PLEC: variants seen among roughly 807,000 people sequenced by gnomAD.
PLEC encodes the protein hemidesmosomal protein 1.
Under a neutral mutation model 392.8 loss-of-function variants are expected in PLEC, and 216 were observed. That is an observed-to-expected ratio of 0.55 (90% confidence interval 0.49 to 0.62). The LOEUF (loss-of-function observed/expected upper bound fraction) is 0.62. Ranked by LOEUF, PLEC falls within the 20% of genes least tolerant of loss-of-function variation. The pLI is 0.00. For missense variants in PLEC, 6,863 were observed against 6,563.4 expected, an observed-to-expected ratio of 1.05 and a Z score of -1.58; for synonymous variants, 3,621 against 2,980.6, an observed-to-expected ratio of 1.21 and a Z score of -7.00.
chr8:143,953,666 C>T, upstream of PLEC: 1 of 1,554,796 alleles, frequency 6.4e-7, no homozygotes. Flanking sequence ...GGACTGCACC[C>T]AGCCAGAGGT....
At chr8:143,940,504 A>T (rs1453318233), upstream of PLEC, among the ~76,000 whole-genome samples, 1 of 152,014 alleles carries the variant, frequency 6.6e-6, no homozygotes, top group African/African-American at 2.4e-5. Context: ...CTCATGCTGT[A>T]AAGGGCAAAG....
Position 143,934,356 on chromosome 8 carries a change from G to A in PLEC, c.1131C>T (p.Ile377=), listed in dbSNP as rs1828353698. ...TGCGGAGCTGCTTCTCCCGCTCCAG[G>A]ATGGCCACGTGCAGCTTGCCCCACT... is the stretch of plus-strand genomic sequence containing the variant. ...EKEWGKLHVA[I]LEREKQLRSE... The change falls in exon 11 of 32, where the codon ATC becomes ATT. Residue 377 remains isoleucine (I), a synonymous_variant. Coordinates refer to ENST00000345136, the MANE Select transcript of PLEC (RefSeq NM_201384.3). 1 of 1,612,560 alleles carries A rather than the reference G, an allele frequency of 6.2e-7. No individual in the cohort carries two copies. Among genetic ancestry groups the A allele is most frequent in the East Asian group, 2.2e-5 (1 of 44,872 alleles).
At chr8:143,958,840 A>G, upstream of PLEC, 1 of 266,646 alleles carries the variant, frequency 3.8e-6, no homozygotes, top group Non-Finnish European at 8.0e-6. This position sits in a 1 kb window ranked among gnomAD's most constrained non-coding sequence, Gnocchi z 4.9. Context: ...ACCCAGCACC[A>G]GACACGAAGG....
upstream of PLEC, chr8:143,975,437 C>G (rs1833629003): frequency 7.1e-7 from 1 of 1,409,002 alleles, no homozygotes; most frequent in Non-Finnish European, 9.9e-7. The surrounding 1 kb of genome is among the most constrained non-coding windows in gnomAD (Gnocchi z 9.9). Context: ...TGCACGCCGA[C>G]CCACCCACCA....
upstream of PLEC, among the ~76,000 whole-genome samples, chr8:143,951,266 C>T (rs551576105): frequency 3.3e-5 from 5 of 152,028 alleles, no homozygotes; most frequent in East Asian, 3.9e-4. Flanking sequence ...TCTGGTGTCC[C>T]GGCTTCACAA....
In PLEC at chr8:143,916,122, G is replaced by A. The variant is rs537472680; in HGVS notation, c.*55C>T. ...TTTAAGCGTTGAAAACGGCCCCCGCGCCTCGGTGGGAGCCGGGCTGGGCCG... is the reference window on the plus strand; with the variant it reads ...TTTAAGCGTTGAAAACGGCCCCCGCACCTCGGTGGGAGCCGGGCTGGGCCG... On this transcript the variant is annotated 3_prime_UTR_variant, in exon 32 of 32. Transcript: ENST00000345136. The A allele has an allele frequency of 4.3e-5, 60 of 1,380,900 alleles. No individual in the cohort carries two copies. In the East Asian group the frequency reaches 1.3e-3, roughly 29 times the overall value. 85.5% of individuals were successfully genotyped at this position (1,380,900 alleles called of 1,614,324 possible).
chr8:143,922,964 G>A lies in PLEC; in HGVS notation c.6965C>T (p.Ala2322Val). 2 of 1,610,580 alleles carry A rather than the reference G, an allele frequency of 1.2e-6. No homozygotes were observed. The highest frequency in any genetic ancestry group is 1.7e-6 in the Non-Finnish European group (2 of 1,178,956). The change falls in exon 31 of 32, where the codon GCC (alanine) becomes GTC (valine). Residue 2322 changes from alanine to valine, a missense_variant. By Grantham distance (64) the Ala-to-Val change is moderately conservative (BLOSUM62 0). Transcript: ENST00000345136. Reference sequence around the variant, plus strand: ...TTCCGCCTCAGCCTTGAGTCGCGTGGCCTCCTGCACCGCCTGCATCTTCTC... The same window carrying A: ...TTCCGCCTCAGCCTTGAGTCGCGTGACCTCCTGCACCGCCTGCATCTTCTC... ...LKEKMQAVQE[A>V]TRLKAEAELL...
At position 143,935,292 on chromosome 8, in the gene PLEC, G is replaced by T; in HGVS notation, c.624C>A (p.Asn208Lys). ...HRHKPLLIDM[N>K]KVYRQTNLEN... The stretch of plus-strand genomic sequence containing the variant: ...CCAGGTTGGTCTGCCGGTACACCTT[G>T]TTCATGTCGATGAGCAGGGGCCTGG... Residue 208 changes from asparagine to lysine, a missense_variant, in exon 7 of 32, where the codon AAC (asparagine) becomes AAA (lysine). By Grantham distance (94) the Asn-to-Lys change is moderately conservative. Transcript: ENST00000345136. 6.2e-7 allele frequency: 1 copy of T among 1,607,100 alleles called. No individual in the cohort carries two copies.
At position 143,937,176 on chromosome 8, in the gene PLEC, G is replaced by A. The variant is rs781864799; in HGVS notation, c.331C>T (p.Arg111Trp). Residue 111 changes from arginine (R) to tryptophan (W), a missense_variant, in exon 4 of 32, where the codon CGG (arginine) becomes TGG (tryptophan). Arg to Trp is a moderately radical substitution (Grantham distance 101). Coordinates refer to ENST00000345136, the MANE Select transcript of PLEC (RefSeq NM_201384.3). ...CCGGGCAGCCTTACCTGGCGGTGCC[G>A]GAGGTAGTCCAGGGCAATCTGGACA... ...QNVQIALDYL[R>W]HRQVKLVNIR... The A allele has an allele frequency of 1.1e-5, 18 of 1,612,342 alleles. No homozygotes were observed. Among genetic ancestry groups the A allele is most frequent in the African/African-American group, 2.7e-5 (2 of 75,010 alleles).
Position 143,937,224 on chromosome 8 carries a change from T to C in PLEC, c.283A>G (p.Met95Val), listed in dbSNP as rs1554724241. 5.0e-6 allele frequency: 8 copies of C among 1,612,406 alleles called. No individual in the cohort carries two copies. The highest frequency in any genetic ancestry group is 6.8e-6 in the Non-Finnish European group (8 of 1,179,666). The part of the protein sequence containing the change: ...GDSLPREKGR[M>V]RFHKLQNVQI... Reference sequence around the variant, plus strand: ...ACATTCTGCAGCTTGTGGAAACGCATCCTCCCCTTCTCCCGGGGCTGTGGG... The same window carrying C: ...ACATTCTGCAGCTTGTGGAAACGCACCCTCCCCTTCTCCCGGGGCTGTGGG... Residue 95 changes from methionine (M) to valine (V), a missense_variant, in exon 4 of 32, where the codon ATG becomes GTG. Coordinates refer to ENST00000345136, the MANE Select transcript of PLEC (RefSeq NM_201384.3).
At position 143,966,936 on chromosome 8, in the gene PLEC, A is replaced by T. The variant is rs565207051; in HGVS notation, c.70+6467T>A. On this transcript the variant is annotated intron_variant, in intron 1 of 31. Coordinates refer to the PLEC transcript ENST00000356346. ...ACAAAGATTAACGACAGAGATGTTTAAAAAAATGCAGCAGTGCTGGAAGCA... is the reference window on the plus strand; with the variant it reads ...ACAAAGATTAACGACAGAGATGTTTTAAAAAATGCAGCAGTGCTGGAAGCA... 1.4e-4 allele frequency among the ~76,000 whole-genome samples: 21 copies of T among 152,348 alleles called. No homozygotes were observed. The East Asian group carries it at 3.5e-3, about 25-fold the overall frequency.
rs781840689 is a variant in PLEC at position 143,922,497 on chromosome 8, G to C, written c.7425+7C>G. ...CACCCGCCCGTCGCACGTAGAGGGG[G>C]CGGTACCTCCTCAGACTTGAGCTGC... On this transcript the variant is annotated splice_region_variant and intron_variant, in intron 31 of 31. Coordinates refer to ENST00000345136, the MANE Select transcript of PLEC (RefSeq NM_201384.3). The C allele has an allele frequency of 1.9e-6, 3 of 1,607,258 alleles. No homozygotes were observed. Among genetic ancestry groups the C allele is most frequent in the Non-Finnish European group, 8.5e-7 (1 of 1,179,990 alleles).
At chr8:143,963,519 C>G (rs1832956121) in intron 1 of PLEC, among the ~76,000 whole-genome samples, 1 of 152,108 alleles carries the variant, frequency 6.6e-6, no homozygotes, top group Admixed American at 6.5e-5. Flanking sequence ...TATGCCTAGC[C>G]CAACATTGCA....
chr8:143,926,489 G>A (rs28527471), intron 30 of PLEC, among the ~76,000 whole-genome samples: 2,014 of 152,322 alleles, frequency 0.013, 31 homozygotes, highest in African/African-American at 0.038. Context: ...AACGCAGAAC[G>A]CCAAGGAAGA....
intron 1 of PLEC, among the ~76,000 whole-genome samples, chr8:143,963,922 C>T (rs1014248261): frequency 1.7e-4 from 26 of 151,052 alleles, no homozygotes; most frequent in Admixed American, 2.7e-4. Context: ...AAGCAAGTCT[C>T]GTGCCTCATA....
chr8:143,931,127 A>G (rs1387199442), intron 19 of PLEC, among the ~76,000 whole-genome samples: 2 of 152,132 alleles, frequency 1.3e-5, no homozygotes, highest in East Asian at 3.8e-4. Context: ...TGCTCCTTCT[A>G]TAGCACAAGG....
rs782460328 is a variant in PLEC, at chr8:143,927,441, T to C, written c.3725A>G (p.Gln1242Arg). ...QIQAMPLADS[Q>R]AVREQLRQEQ... ...CTGCCGCAGCTGCTCCCGCACAGCC[T>C]GGCTGTCGGCCAGCGGCATGGCCTG... The change falls in exon 27 of 32, where the codon CAG becomes CGG. Residue 1242 changes from glutamine (Q) to arginine (R), a missense_variant. Gln to Arg is a conservative substitution (Grantham distance 43). Coordinates refer to ENST00000345136, the MANE Select transcript of PLEC (RefSeq NM_201384.3). The C allele has an allele frequency of 1.3e-5, 20 of 1,599,726 alleles. No individual in the cohort carries two copies. In the South Asian group the frequency reaches 2.1e-4, roughly 17 times the overall value.
chr8:143,946,935 G>C (rs1370604961), intron 1 of PLEC, among the ~76,000 whole-genome samples: 1 of 152,076 alleles, frequency 6.6e-6, no homozygotes, highest in Admixed American at 6.5e-5. Flanking sequence ...CCAGGCATCT[G>C]TCCAGGGGCA....
chr8:143,951,749 T>C (rs999048412), upstream of PLEC, among the ~76,000 whole-genome samples: 2 of 151,872 alleles, frequency 1.3e-5, no homozygotes, highest in Non-Finnish European at 2.9e-5. Context: ...GCAGGCCAGA[T>C]GGATGGCTGC....
Sources: gnomAD v4.1 joint callset for allele counts (sites outside exome capture counted in the v4.1 genomes callset) on GRCh38, gnomAD v4.1.1 for gene constraint, Gnocchi (gnomAD v3.1) non-coding constraint, MANE v1.5 for transcripts, NCBI Gene and HGNC (gene_info 2026-07-23, HGNC 2026-07-21) for gene names.